Variants in DMD observed in about 807,000 individuals in gnomAD.
DMD encodes mutant dystrophin.
A neutral mutation model predicts 330.1 loss-of-function variants in DMD; 63 were observed. The ratio of observed to expected loss-of-function variants is 0.19; its 90% CI spans 0.16 to 0.24. The LOEUF is 0.24. Ranked by LOEUF, DMD falls within the 10% of genes least tolerant of loss-of-function variation. The pLI, the probability that DMD is intolerant of heterozygous loss-of-function variation, is 1.00. For missense variants in DMD, 3,344 were observed against 2,684.1 expected (o/e 1.25, Z -5.43); for synonymous variants, 1,223 against 959.8 (o/e 1.27, Z -5.07).
intron 7 of DMD, among the ~76,000 whole-genome samples, chrX:32,716,582 C>T (rs776187372): frequency 9.0e-6 from 1 of 111,148 alleles, no homozygotes; most frequent in East Asian, 2.8e-4. Context: ...AGGTAGGGCA[C>T]TGCTACGAAG....
chrX:33,206,211 A>C (rs182888806), intron 1 of DMD, among the ~76,000 whole-genome samples: 165 of 112,546 alleles, frequency 1.5e-3, no homozygotes, highest in African/African-American at 5.1e-3. Context: ...AGTCTTAGAT[A>C]TATTTCAGAT....
chrX:32,654,965 G>C (rs1162102163), intron 9 of DMD, among the ~76,000 whole-genome samples: 2 of 111,970 alleles, frequency 1.8e-5, no homozygotes, highest in Non-Finnish European at 3.8e-5. Context: ...TCTGATGGTA[G>C]TTTGAATTTC....
At chrX:32,525,179 T>C (rs2046828474) in intron 17 of DMD, among the ~76,000 whole-genome samples, 1 of 111,852 alleles carries the variant, frequency 8.9e-6, no homozygotes, top group Non-Finnish European at 1.9e-5. Context: ...TTATGTTGCT[T>C]CCATTTGGAC....
At chrX:32,205,214 A>G (rs1180027275) in intron 44 of DMD, among the ~76,000 whole-genome samples, 1 of 99,404 alleles carries the variant, frequency 1.0e-5, no homozygotes, top group Non-Finnish European at 2.0e-5. Context: ...GATTTAAAAA[A>G]TGAAATTAAC....
intron 2 of DMD, among the ~76,000 whole-genome samples, chrX:32,877,284 T>C (rs2083453254): frequency 8.9e-6 from 1 of 112,557 alleles, no homozygotes; most frequent in Non-Finnish European, 1.9e-5. Flanking sequence ...GTGGTTATCA[T>C]TTAGAATTCA....
intron 2 of DMD, among the ~76,000 whole-genome samples, chrX:32,946,668 T>G (rs753588965): frequency 1.8e-5 from 2 of 112,482 alleles, no homozygotes; most frequent in South Asian, 7.2e-4. Context: ...GATGTGTTGT[T>G]GCAAACATAT....
At chrX:33,321,730 C>T (rs987133083) in intron 1 of DMD, among the ~76,000 whole-genome samples, 1 of 112,248 alleles carries the variant, frequency 8.9e-6, no homozygotes, top group Non-Finnish European at 1.9e-5. Context: ...TAGATGGCAT[C>T]TTCTTCAAAT....
At chrX:32,398,262 A>AC (rs1569561043) in intron 30 of DMD, among the ~76,000 whole-genome samples, 3 of 83,079 alleles carry the variant, frequency 3.6e-5, no homozygotes, top group African/African-American at 1.1e-4. Context: ...TCTTTTTTTA[A>AC]ACCCCCCCCC....
intron 44 of DMD, among the ~76,000 whole-genome samples, chrX:32,189,440 C>T (rs2096962246): frequency 9.1e-6 from 1 of 109,667 alleles, no homozygotes. Context: ...CACAGGCACA[C>T]CTACTAATTT....
chrX:31,925,080 G>T lies in DMD; in HGVS notation c.6912+4516C>A, dbSNP rs372999556. Among the ~76,000 whole-genome samples, 12 of 112,195 alleles carry T rather than the reference G, an allele frequency of 1.1e-4. No individual in the cohort carries two copies. In the East Asian group the frequency reaches 3.3e-3, roughly 31 times the overall value. ...TTTGCTATATTACACAACTGTAAAT[G>T]TTCCACAGCAGAGAAGGTTCTAGAA... On this transcript the variant is annotated intron_variant, in intron 47 of 78. Transcript: ENST00000357033.
chrX:32,828,824 G>T (rs2078951655), intron 4 of DMD, among the ~76,000 whole-genome samples: 1 of 111,044 alleles, frequency 9.0e-6, no homozygotes, highest in Non-Finnish European at 1.9e-5. Flanking sequence ...AGTTTTGTTT[G>T]TATGATCAAA....
At chrX:32,205,003 T>TCACACA (rs1569550722) in intron 44 of DMD, among the ~76,000 whole-genome samples, 2 of 34,705 alleles carry the variant, frequency 5.8e-5, no homozygotes, top group African/African-American at 2.3e-4. Context: ...TCTCTCTCTC[T>TCACACA]CTCACATACA....
intron 44 of DMD, among the ~76,000 whole-genome samples, chrX:32,034,801 G>A (rs781164592): frequency 9.0e-6 from 1 of 111,644 alleles, no homozygotes; most frequent in East Asian, 2.8e-4. Context: ...GGTAAAGGAA[G>A]ATATGTACGC....
At chrX:32,526,810 G>A (rs1277845853) in intron 17 of DMD, among the ~76,000 whole-genome samples, 1 of 112,335 alleles carries the variant, frequency 8.9e-6, no homozygotes, top group African/African-American at 3.2e-5. Context: ...CTATATAACT[G>A]TGCTAATTAT....
chrX:32,390,332 C>T (rs868477616), intron 30 of DMD, 151 bp from the exon 31 acceptor site: 4 of 482,861 alleles, frequency 8.3e-6, no homozygotes. Context: ...TGGTTCACAC[C>T]TGTAATCCTA....
chrX:32,631,004 T>C (rs1166488602), intron 11 of DMD, among the ~76,000 whole-genome samples: 1 of 111,912 alleles, frequency 8.9e-6, no homozygotes, highest in Non-Finnish European at 1.9e-5. Context: ...TTCTTGGGTG[T>C]TGTGATTTAT....
intron 51 of DMD, among the ~76,000 whole-genome samples, chrX:31,734,554 T>A (rs1435402152): frequency 2.7e-5 from 3 of 111,885 alleles, no homozygotes; most frequent in Non-Finnish European, 5.6e-5. Flanking sequence ...TTTATAACAC[T>A]TACAGTTTTG....
chrX:33,241,919 A>G (rs1217563091), intron 1 of DMD, among the ~76,000 whole-genome samples: 1 of 109,775 alleles, frequency 9.1e-6, no homozygotes, highest in Admixed American at 9.7e-5. Flanking sequence ...GTGCCTCCAC[A>G]TTAGGCTAAT....
chrX:32,548,021 C>G (rs756960923), intron 16 of DMD, among the ~76,000 whole-genome samples: 25 of 111,563 alleles, frequency 2.2e-4, no homozygotes, highest in Non-Finnish European at 4.2e-4. Flanking sequence ...CAGTTATTTG[C>G]TAGAAGTAGA....
Sources: gnomAD v4.1 joint callset for allele counts (sites outside exome capture counted in the v4.1 genomes callset) on GRCh38, gnomAD v4.1.1 for gene constraint, MANE v1.5 for transcripts, NCBI Gene and HGNC (gene_info 2026-07-23, HGNC 2026-07-21) for gene names.